Variants in NEBL observed in about 807,000 individuals in gnomAD.
NEBL encodes the protein nebulette.
NEBL carries 122 observed loss-of-function variants against 140.2 expected under a neutral mutation model. The ratio of observed to expected loss-of-function variants is 0.87; its 90% CI spans 0.75 to 1.01. The LOEUF (loss-of-function observed/expected upper bound fraction) is 1.01. Among genes scored for constraint, NEBL ranks in the 50% least tolerant of loss-of-function variants. The pLI, the probability that NEBL is intolerant of heterozygous loss-of-function variation, is 0.00. For missense variants in NEBL, 1,365 were observed against 1,231.3 expected (o/e 1.11, Z -1.62); for synonymous variants, 436 against 398.9 (o/e 1.09, Z -1.11).
intron 4 of NEBL, among the ~76,000 whole-genome samples, chr10:20,940,910 C>A (rs1834819703): frequency 6.6e-6 from 1 of 152,148 alleles, no homozygotes; most frequent in Non-Finnish European, 1.5e-5. Context: ...TCTGAATAGA[C>A]CAATAACAGG....
chr10:20,961,680 T>C lies in NEBL; in HGVS notation c.349A>G (p.Ile117Val). ...AATAAACAGGCACCTACATTACTGATTTGCTCCTGAGTCCTCTTCAGTCTC... is the reference window on the plus strand; with the variant it reads ...AATAAACAGGCACCTACATTACTGACTTGCTCCTGAGTCCTCTTCAGTCTC... Residue 117 changes from isoleucine (I) to valine (V), a missense_variant, in exon 4 of 7, where the codon ATC becomes GTC. Physicochemically the swap from Ile to Val is conservative, Grantham distance 29. Transcript: ENST00000417816. The C allele has an allele frequency of 1.9e-6, 3 of 1,609,470 alleles. No homozygotes were observed. Among genetic ancestry groups the C allele is most frequent in the African/African-American group, 2.7e-5 (2 of 74,922 alleles).
chr10:20,874,825 C>T (rs1028246550), intron 5 of NEBL, among the ~76,000 whole-genome samples: 1 of 152,100 alleles, frequency 6.6e-6, no homozygotes, highest in Admixed American at 6.6e-5. Flanking sequence ...CTGTAACCTC[C>T]ACCTCCTGGG....
intron 2 of NEBL, among the ~76,000 whole-genome samples, chr10:21,089,350 T>A (rs1048725790): frequency 6.6e-6 from 1 of 152,078 alleles, no homozygotes; most frequent in Non-Finnish European, 1.5e-5. Flanking sequence ...AACATGAGCA[T>A]CATCAGCTTA....
intron 26 of NEBL, among the ~76,000 whole-genome samples, chr10:20,802,733 A>G (rs1837232184): frequency 6.6e-6 from 1 of 152,202 alleles, no homozygotes; most frequent in Non-Finnish European, 1.5e-5. Context: ...CCTTTGTCCT[A>G]ACAATCAGAA....
Position 21,173,706 on chromosome 10 carries a change from G to A in NEBL, c.69+59C>T, listed in dbSNP as rs189864240. 10 of 1,608,922 alleles carry A rather than the reference G, an allele frequency of 6.2e-6. No individual in the cohort carries two copies. In the East Asian group the frequency reaches 1.1e-4, roughly 18 times the overall value. ...TCCATCCCAGGTGCCAAAACTTCTC[G>A]AAGCAGGTGCAGCCCCTCGCCCGGC... On this transcript the variant is annotated intron_variant, in intron 1 of 6. Transcript: ENST00000417816. The surrounding 1 kb of genome is among the most constrained non-coding windows in gnomAD (Gnocchi z 5.7).
chr10:21,016,407 A>G (rs1838557461), intron 3 of NEBL, among the ~76,000 whole-genome samples: 2 of 152,256 alleles, frequency 1.3e-5, no homozygotes, highest in Non-Finnish European at 2.9e-5. Context: ...TAGATGTAAA[A>G]TATTCACAGT....
intron 2 of NEBL, among the ~76,000 whole-genome samples, chr10:21,073,322 CA>C (rs371901801): frequency 2.3e-3 from 306 of 134,142 alleles, no homozygotes; most frequent in Middle Eastern, 3.9e-3. Context: ...GACCCTGTCT[CA>C]AAAAAAAAAA....
At chr10:21,262,769 C>A (rs1160137250) in intron 1 of NEBL, among the ~76,000 whole-genome samples, 1 of 152,136 alleles carries the variant, frequency 6.6e-6, no homozygotes, top group Non-Finnish European at 1.5e-5. Flanking sequence ...ATCTGCCATC[C>A]CTCCCTGGTC....
intron 18 of NEBL, 67 bp from the exon 19 acceptor site, chr10:20,823,367 T>TGGGAGGAGCCAAGA: frequency 1.7e-6 from 2 of 1,183,766 alleles, no homozygotes; most frequent in Non-Finnish European, 2.4e-6. Flanking sequence ...TTGAGAATTC[T>TGGGAGGAGCCAAGA]TCAATTGTAA....
chr10:20,888,263 C>A, intron 3 of NEBL, 56 bp from the exon 4 acceptor site: 1 of 1,054,410 alleles, frequency 9.5e-7, no homozygotes, highest in Non-Finnish European at 1.4e-6. Context: ...TTTTTTTAAA[C>A]TGTGATTATA....
At chr10:20,950,842 G>GT (rs950420498) in intron 4 of NEBL, among the ~76,000 whole-genome samples, 5 of 152,182 alleles carry the variant, frequency 3.3e-5, no homozygotes, top group Non-Finnish European at 5.9e-5. Context: ...TAATAGAATG[G>GT]TTTTTAAGGT....
intron 2 of NEBL, among the ~76,000 whole-genome samples, chr10:21,114,428 C>T (rs1379802999): frequency 6.6e-6 from 1 of 152,006 alleles, no homozygotes; most frequent in Non-Finnish European, 1.5e-5. Flanking sequence ...CTATAAATGT[C>T]AATTTGATCA....
At chr10:21,066,710 G>A (rs1400377640) in intron 2 of NEBL, among the ~76,000 whole-genome samples, 1 of 152,158 alleles carries the variant, frequency 6.6e-6, no homozygotes, top group Non-Finnish European at 1.5e-5. Context: ...ACAAGAGAGA[G>A]CAATGAGACA....
Position 20,828,628 on chromosome 10 carries a change from A to G in NEBL, c.1678T>C (p.Tyr560His). The change falls in exon 17 of 28, where the codon TAT becomes CAT. Residue 560 changes from tyrosine (Y) to histidine (H), a missense_variant. Tyr to His is a moderately conservative substitution (Grantham distance 83). Coordinates refer to ENST00000377122, the MANE Select transcript of NEBL (RefSeq NM_006393.3). Reference protein sequence around the residue: ...RTSEIYSQRKYKDEAEKMLSN... With the variant: ...RTSEIYSQRKHKDEAEKMLSN... ...AGCATCTTCTCTGCTTCATCTTTAT[A>G]CTTTCTCTAAAAACATAAACAGTTA... The G allele has an allele frequency of 6.4e-7, 1 of 1,554,218 alleles. No homozygotes were observed. The highest frequency in any genetic ancestry group is 1.1e-5 in the South Asian group (1 of 89,568).
At chr10:21,179,139 A>G (rs573814623), upstream of NEBL, among the ~76,000 whole-genome samples, 2 of 152,320 alleles carry the variant, frequency 1.3e-5, no homozygotes, top group East Asian at 3.9e-4. Flanking sequence ...TCAGGGAAGA[A>G]GGGAGGGGGA....
At chr10:21,240,820 A>G (rs1842428410) in intron 3 of NEBL, among the ~76,000 whole-genome samples, 1 of 151,986 alleles carries the variant, frequency 6.6e-6, no homozygotes, top group African/African-American at 2.4e-5. Context: ...TTTAGAAGAA[A>G]ATAGTTACAA....
chr10:21,172,532 G>C (rs1589311981), intron 1 of NEBL: 1 of 1,360,886 alleles, frequency 7.3e-7, no homozygotes, highest in South Asian at 1.2e-5. Context: ...TTCTCACCAG[G>C]ATGGGCACAG....
chr10:20,897,593 A>G, upstream of NEBL: 2 of 1,017,736 alleles, frequency 2.0e-6, no homozygotes, highest in Non-Finnish European at 1.2e-6. Flanking sequence ...ACTCAGCTCT[A>G]ACACTCAAGA....
In NEBL at chr10:20,808,670, G is replaced by A. The variant is rs200934881; in HGVS notation, c.2612-11C>T. Reference sequence around the variant, plus strand: ...AGTGACTCGCCTTTTCTATATTGGAGGGAAAATATTTACACGTGTGATTAA... The same window carrying A: ...AGTGACTCGCCTTTTCTATATTGGAAGGAAAATATTTACACGTGTGATTAA... On this transcript the variant is annotated splice_polypyrimidine_tract_variant and intron_variant, in intron 25 of 27. Transcript: ENST00000377122. 8.3e-5 allele frequency: 133 copies of A among 1,609,766 alleles called. No individual in the cohort carries two copies. The highest frequency in any genetic ancestry group is 7.9e-5 in the Non-Finnish European group (93 of 1,176,636).
Sources: allele counts gnomAD v4.1 joint callset (sites outside exome capture counted in the v4.1 genomes callset), GRCh38; gene constraint gnomAD v4.1.1; non-coding constraint Gnocchi (gnomAD v3.1); transcripts MANE v1.5; gene names NCBI Gene and HGNC (gene_info 2026-07-23, HGNC 2026-07-21).